The following RPE variants were observed in gnomAD, a reference collection of about 807,000 sequenced individuals.
The protein encoded by RPE is ribulose-phosphate 3-epimerase.
A neutral mutation model predicts 24.6 loss-of-function variants in RPE; 16 were observed. The ratio of observed to expected loss-of-function variants is 0.65; its 90% CI spans 0.44 to 0.99. The LOEUF (loss-of-function observed/expected upper bound fraction) is 0.99, where lower values mean the gene tolerates loss of function less well. RPE is among the 50% of genes least tolerant of loss of function. The pLI is 0.00. For synonymous variants in RPE, 93 were observed against 98.4 expected (o/e 0.94, Z 0.33); for missense variants, 240 against 294.5 (o/e 0.81, Z 1.35).
chr2:210,011,968 C>A (rs1446146174), intron 2 of RPE, among the ~76,000 whole-genome samples: 1 of 151,806 alleles, frequency 6.6e-6, no homozygotes, highest in East Asian at 1.9e-4. Flanking sequence ...AGGTGTAAGT[C>A]ACTGAGCCCG....
chr2:210,003,595 A>G (rs545722306), intron 1 of RPE: 9 of 454,418 alleles, frequency 2.0e-5, no homozygotes, highest in African/African-American at 1.6e-4. Context: ...CCTCAAGATT[A>G]CAGAAGATTG....
Position 210,015,872 on chromosome 2 carries a change from A to G in RPE, c.203-101A>G, listed in dbSNP as rs879194095. 8 of 1,191,090 alleles carry G rather than the reference A, an allele frequency of 6.7e-6. No homozygotes were observed. In the South Asian group the frequency reaches 1.2e-4, roughly 18 times the overall value. 73.8% of individuals were successfully genotyped at this position (1,191,090 alleles called of 1,614,324 possible). A position where few individuals can be genotyped will look rare whatever the true frequency, so the allele number is the denominator to read the frequency against. The stretch of plus-strand genomic sequence containing the variant: ...AAATAATGATTTGTGTGATGGCCAA[A>G]GAGTTCTTATCAGAAGTGGCAAAAA... On this transcript the variant is annotated intron_variant, in intron 2 of 5. Transcript: ENST00000359429.
chr2:210,013,186 A>T (rs2093723511), intron 2 of RPE, among the ~76,000 whole-genome samples: 1 of 152,232 alleles, frequency 6.6e-6, no homozygotes, highest in African/African-American at 2.4e-5. Context: ...GAACATCTGT[A>T]TTACAACAGA....
At chr2:210,002,972 G>A (rs1056616113) in intron 1 of RPE, among the ~76,000 whole-genome samples, 189 bp downstream of exon 1, 2 of 152,142 alleles carry the variant, frequency 1.3e-5, no homozygotes, top group Non-Finnish European at 2.9e-5. Flanking sequence ...GGTATCCTGG[G>A]TTGCGGCCGG....
chr2:210,002,901 C>T, intron 1 of RPE, 118 bp downstream of exon 1: 1 of 1,576,592 alleles, frequency 6.3e-7, no homozygotes, highest in Non-Finnish European at 8.6e-7. Flanking sequence ...ACTCTGAACG[C>T]GATGCTAGAA....
intron 5 of RPE, 90 bp from the exon 6 acceptor site, chr2:210,019,579 T>C: frequency 6.8e-7 from 1 of 1,464,594 alleles, no homozygotes; most frequent in Non-Finnish European, 9.2e-7. Context: ...TGTTGACAGA[T>C]GCAAGGGTAG....
rs1164646744 is a variant in RPE, at chr2:210,021,738, A to G, written c.*1947A>G. ...TGAGTAACCTTTTTTACATGACAAA[A>G]AGTGAGTTATATAAATTGTCCTCAA... On this transcript the variant is annotated 3_prime_UTR_variant, in exon 6 of 6. Transcript: ENST00000359429. 2 of 152,268 alleles carry G rather than the reference A, an allele frequency of 1.3e-5. No individual in the cohort carries two copies. Among genetic ancestry groups the G allele is most frequent in the African/African-American group, 4.8e-5 (2 of 41,434 alleles). The allele number at this position is 152,268 out of a possible 1,614,324, so 9.4% of individuals were successfully genotyped here.
At chr2:210,010,461 G>A (rs771138058) in intron 2 of RPE, among the ~76,000 whole-genome samples, 7 of 151,404 alleles carry the variant, frequency 4.6e-5, no homozygotes, top group Non-Finnish European at 7.4e-5. Flanking sequence ...ACTGAGTTTC[G>A]CCATGTTTCC....
intron 2 of RPE, among the ~76,000 whole-genome samples, 193 bp downstream of exon 2, chr2:210,009,929 G>A (rs2093679028): frequency 6.6e-6 from 1 of 152,196 alleles, no homozygotes; most frequent in South Asian, 2.1e-4. Context: ...GCATGGAAAG[G>A]TAGTAGCTTG....
At chr2:210,006,019 A>T (rs1398591430) in intron 1 of RPE, among the ~76,000 whole-genome samples, 1 of 152,226 alleles carries the variant, frequency 6.6e-6, no homozygotes, top group African/African-American at 2.4e-5. Flanking sequence ...TCCTTGTATT[A>T]CAAAAAATTA....
intron 5 of RPE, chr2:210,018,178 C>A: frequency 6.5e-7 from 1 of 1,534,424 alleles, no homozygotes; most frequent in South Asian, 1.2e-5. Flanking sequence ...TTAAGTTTCA[C>A]GGCCTTGGAA....
In RPE at chr2:210,020,413, C is replaced by T. The variant is rs2093841211; in HGVS notation, c.*622C>T. The stretch of plus-strand genomic sequence containing the variant: ...CAGGTTATTCAGTGATTCCTCCCCA[C>T]CATTCTTAAGAACGTTAAATAATGC... On this transcript the variant is annotated 3_prime_UTR_variant, in exon 6 of 6. Transcript: ENST00000359429. 1 of 166,936 alleles carries T rather than the reference C, an allele frequency of 6.0e-6. No individual in the cohort carries two copies. 10.3% of individuals were successfully genotyped at this position (166,936 alleles called of 1,614,324 possible). A position where few individuals can be genotyped will look rare whatever the true frequency, so the allele number is the denominator to read the frequency against.
intron 1 of RPE, among the ~76,000 whole-genome samples, chr2:210,006,757 C>T (rs541379345): frequency 1.3e-5 from 2 of 152,258 alleles, no homozygotes; most frequent in African/African-American, 4.8e-5. Flanking sequence ...CTTCTGTGAC[C>T]CTTATTTCAA....
rs1334012145 is a variant in RPE, at chr2:210,019,855, G to C, written c.*64G>C. The C allele has an allele frequency of 1.3e-6, 2 of 1,549,064 alleles. No individual in the cohort carries two copies. Among genetic ancestry groups the C allele is most frequent in the African/African-American group, 2.7e-5 (2 of 72,878 alleles). On this transcript the variant is annotated 3_prime_UTR_variant, in exon 6 of 6. Coordinates refer to ENST00000359429, the MANE Select transcript of RPE (RefSeq NM_199229.3). ...CCTTTTACTGGAAAACAGGAATATTGACTACCAAATCACAATGCAATTGAA... is the reference window on the plus strand; with the variant it reads ...CCTTTTACTGGAAAACAGGAATATTCACTACCAAATCACAATGCAATTGAA...
intron 2 of RPE, among the ~76,000 whole-genome samples, chr2:210,014,999 G>T (rs944912028): frequency 6.6e-6 from 1 of 152,120 alleles, no homozygotes; most frequent in African/African-American, 2.4e-5. Flanking sequence ...CACCTTATGT[G>T]TTTATATGAA....
In RPE at chr2:210,007,225, A is replaced by G. The variant is rs149474900; in HGVS notation, c.123-2432A>G. ...CTTTAGAACTGTGTGTGGCCCACAT[A>G]TAAGTTTGGTTTTTATTAGCACTCA... On this transcript the variant is annotated intron_variant, in intron 1 of 5. Coordinates refer to ENST00000359429, the MANE Select transcript of RPE (RefSeq NM_199229.3). Among the ~76,000 whole-genome samples, 91 of 152,334 alleles carry G rather than the reference A, an allele frequency of 6.0e-4. 1 individual carries two copies. The highest frequency in any genetic ancestry group is 2.1e-3 in the African/African-American group (88 of 41,574).
intron 2 of RPE, among the ~76,000 whole-genome samples, chr2:210,013,468 A>G (rs185113599): frequency 1.4e-3 from 207 of 152,048 alleles, no homozygotes; most frequent in Non-Finnish European, 2.0e-3. Context: ...GGGGCACACT[A>G]CCATGCCTAG....
At chr2:210,002,915 G>A in intron 1 of RPE, 132 bp downstream of exon 1, 1 of 1,545,134 alleles carries the variant, frequency 6.5e-7, no homozygotes, top group Non-Finnish European at 8.8e-7. Context: ...GCTAGAAGGG[G>A]TGTGGGGTAG....
chr2:210,018,294 T>C (rs531064777), intron 5 of RPE: 2 of 1,473,088 alleles, frequency 1.4e-6, no homozygotes, highest in South Asian at 2.7e-5. Flanking sequence ...ACCTACATAT[T>C]ATTTAGTTGT....
Sources: gnomAD v4.1 joint callset for allele counts (sites outside exome capture counted in the v4.1 genomes callset) on GRCh38, gnomAD v4.1.1 for gene constraint, MANE v1.5 for transcripts, NCBI Gene and HGNC (gene_info 2026-07-23, HGNC 2026-07-21) for gene names.